The following CALD1 variants were observed in gnomAD, a reference collection of about 807,000 sequenced individuals.
CALD1 encodes the protein caldesmon.
Under a neutral mutation model 99.9 loss-of-function variants are expected in CALD1, and 33 were observed. That is an observed-to-expected ratio of 0.33 (90% CI 0.25 to 0.44). The LOEUF (loss-of-function observed/expected upper bound fraction) is 0.44. Ranked by LOEUF, CALD1 falls within the 20% of genes least tolerant of loss-of-function variation. CALD1 has a pLI of 1.00. For synonymous variants in CALD1, 310 were observed against 325.0 expected, an observed-to-expected ratio of 0.95 and a Z score of 0.50; for missense variants, 861 against 962.1, an observed-to-expected ratio of 0.89 and a Z score of 1.39.
At chr7:134,732,580 C>A in the CALD1 span, among the ~76,000 whole-genome samples, 1 of 92,034 alleles carries the variant, frequency 1.1e-5, no homozygotes, top group Non-Finnish European at 2.1e-5. Context: ...TGATCTTGGA[C>A]TTCCCAGCCT....
intron 12 of CALD1, 115 bp from the exon 13 acceptor site, chr7:134,960,418 A>C (rs1161913230): frequency 1.4e-6 from 1 of 729,366 alleles, no homozygotes; most frequent in East Asian, 2.5e-5. Flanking sequence ...TCAAGTGTTA[A>C]GGTTTATGGT....
intron 1 of CALD1, among the ~76,000 whole-genome samples, chr7:134,808,103 C>CT (rs35834412): frequency 0.019 from 2,673 of 142,208 alleles, 59 homozygotes; most frequent in African/African-American, 0.053. Flanking sequence ...CCCATTCCAT[C>CT]TTTTTTTTTT....
intron 13 of CALD1, among the ~76,000 whole-genome samples, chr7:134,964,706 A>G (rs558011767): frequency 6.6e-6 from 1 of 152,278 alleles, no homozygotes; most frequent in Non-Finnish European, 1.5e-5. Flanking sequence ...GAGGCAGGAA[A>G]TGCTTATCAA....
In CALD1 at chr7:134,770,104, A is replaced by G. The variant is rs114200267; in HGVS notation, c.-130+25741A>G. ...CACTTAATATTTATAAATATTAATTACCTTTCTCTTTGTAAAAAGAAAAAA... is the reference window on the plus strand; with the variant it reads ...CACTTAATATTTATAAATATTAATTGCCTTTCTCTTTGTAAAAAGAAAAAA... On this transcript the variant is annotated intron_variant, in intron 1 of 13. Coordinates refer to the CALD1 transcript ENST00000417172. Among the ~76,000 whole-genome samples the G allele has an allele frequency of 9.3e-3, 1,415 of 152,258 alleles. 26 individuals are homozygous for G. Among genetic ancestry groups the G allele is most frequent in the African/African-American group, 0.032 (1,329 of 41,546 alleles).
At chr7:134,716,678 T>C in the CALD1 span, among the ~76,000 whole-genome samples, 1 of 152,216 alleles carries the variant, frequency 6.6e-6, no homozygotes, top group East Asian at 1.9e-4. Flanking sequence ...CAAATATTCA[T>C]GGCAGGTAGA....
rs368697586 is a variant in CALD1 at position 134,968,390 on chromosome 7, A to G, written c.*45A>G. ...CAAGCTCAAGACGCAGGACGAGCTC[A>G]GTTGTAGAGGGCTAATTCGCTCTGT... On this transcript the variant is annotated 3_prime_UTR_variant, in exon 15 of 15. Transcript: ENST00000361675. The G allele has an allele frequency of 6.3e-7, 1 of 1,581,946 alleles. No homozygotes were observed. Among genetic ancestry groups the G allele is most frequent in the Non-Finnish European group, 8.7e-7 (1 of 1,150,704 alleles).
At chr7:134,960,691 C>A in intron 13 of CALD1, 63 bp downstream of exon 13, 1 of 1,052,424 alleles carries the variant, frequency 9.5e-7, no homozygotes, top group Non-Finnish European at 1.5e-6. Flanking sequence ...CAGAAGAAAA[C>A]AAGCAGTTGG....
At chr7:134,860,446 A>T (rs1800514803) in intron 2 of CALD1, among the ~76,000 whole-genome samples, 1 of 152,342 alleles carries the variant, frequency 6.6e-6, no homozygotes, top group South Asian at 2.1e-4. Flanking sequence ...ATTCATACAT[A>T]GTCAATTACC....
At chr7:134,891,379 C>G in intron 3 of CALD1, 1 of 1,253,788 alleles carries the variant, frequency 8.0e-7, no homozygotes, top group Non-Finnish European at 1.0e-6. Context: ...AATCAGCTCT[C>G]TGATGATCCT....
chr7:134,863,380 T>C (rs375334479), intron 2 of CALD1, among the ~76,000 whole-genome samples: 1 of 152,262 alleles, frequency 6.6e-6, no homozygotes, highest in African/African-American at 2.4e-5. Flanking sequence ...TTTATTCTTC[T>C]TGCATTCCAA....
intron 3 of CALD1, among the ~76,000 whole-genome samples, chr7:134,914,458 T>C (rs545407388): frequency 1.3e-5 from 2 of 152,254 alleles, no homozygotes; most frequent in Admixed American, 6.5e-5. Context: ...GGAGTGGAGA[T>C]TGAAACTAGA....
intron 1 of CALD1, among the ~76,000 whole-genome samples, chr7:134,781,613 A>C (rs1355481782): frequency 6.6e-6 from 1 of 152,242 alleles, no homozygotes; most frequent in Non-Finnish European, 1.5e-5. Context: ...CAATGAAAAC[A>C]GTAACTTTCA....
In CALD1 at chr7:134,947,557, C is replaced by G. The variant is rs1345335622; in HGVS notation, c.1582C>G (p.Pro528Ala). ...GGACACCAAGGAGGCTGAGGGCGCC[C>G]CCCAGGTGGAAGCCGGCAAAAGGCT... ...SVDTKEAEGA[P>A]QVEAGKRLEE... Residue 528 changes from proline to alanine, a missense_variant, in exon 8 of 15, where the codon CCC becomes GCC. Transcript: ENST00000361675. 1.9e-6 allele frequency: 3 copies of G among 1,563,390 alleles called. No individual in the cohort carries two copies. Among genetic ancestry groups the G allele is most frequent in the Non-Finnish European group, 2.6e-6 (3 of 1,153,510 alleles).
intron 3 of CALD1, among the ~76,000 whole-genome samples, chr7:134,882,708 T>C (rs754894135): frequency 6.6e-6 from 1 of 152,252 alleles, no homozygotes; most frequent in African/African-American, 2.4e-5. Flanking sequence ...ATCTCTGGCA[T>C]GTATTTATCA....
At chr7:134,821,644 A>AGG (rs1798786398) in intron 1 of CALD1, among the ~76,000 whole-genome samples, 1 of 111,832 alleles carries the variant, frequency 8.9e-6, no homozygotes, top group African/African-American at 3.3e-5. Context: ...GTGCAATGGC[A>AGG]CAATCTTGGC....
chr7:134,896,787 C>G (rs1192319459), intron 3 of CALD1, among the ~76,000 whole-genome samples: 2 of 152,206 alleles, frequency 1.3e-5, no homozygotes, highest in Non-Finnish European at 2.9e-5. Flanking sequence ...ACAGGCCTAA[C>G]AGTGGCAAGA....
At chr7:134,771,390 C>A (rs1435821408) in intron 1 of CALD1, among the ~76,000 whole-genome samples, 1 of 151,728 alleles carries the variant, frequency 6.6e-6, no homozygotes, top group Non-Finnish European at 1.5e-5. Flanking sequence ...ATAGCACTCC[C>A]ATTCACTCCA....
chr7:134,941,736 T>C (rs1254290543), intron 7 of CALD1, among the ~76,000 whole-genome samples: 1 of 152,160 alleles, frequency 6.6e-6, no homozygotes, highest in African/African-American at 2.4e-5. Flanking sequence ...TTCCTCAGAT[T>C]TCTTTACCAC....
intron 6 of CALD1, 145 bp downstream of exon 6, chr7:134,935,910 A>T: frequency 4.0e-6 from 3 of 755,878 alleles, no homozygotes; most frequent in Non-Finnish European, 2.1e-6. Context: ...GAATAGTGAG[A>T]TCAGCTTAGA....
Sources: allele counts gnomAD v4.1 joint callset (sites outside exome capture counted in the v4.1 genomes callset), GRCh38; gene constraint gnomAD v4.1.1; transcripts MANE v1.5; gene names NCBI Gene and HGNC (gene_info 2026-07-23, HGNC 2026-07-21).